The following MOV10L1 variants were observed in gnomAD, a reference collection of about 807,000 sequenced individuals.
MOV10L1 encodes RNA helicase Mov10l1.
MOV10L1 carries 110 observed loss-of-function variants against 143.8 expected under a neutral mutation model. That is an observed-to-expected ratio of 0.76 (90% CI 0.66 to 0.90). The LOEUF is 0.90. Among genes scored for constraint, MOV10L1 ranks in the 40% least tolerant of loss-of-function variants. The probability of loss-of-function intolerance (pLI) is 0.00; values close to 1 mark genes in which losing one functional copy is unlikely to be tolerated. For synonymous variants in MOV10L1, 593 were observed against 581.1 expected, an observed-to-expected ratio of 1.02 and a Z score of -0.29; for missense variants, 1,406 against 1,526.8, an observed-to-expected ratio of 0.92 and a Z score of 1.32.
At position 50,142,206 on chromosome 22, in the gene MOV10L1, G is replaced by T. The variant is rs1342835838; in HGVS notation, c.2179+17G>T. ...GCGATTGGGGTATGTGCTCATGAGG[G>T]GCAAGGAGAAGAGCAACTCTGAGAC... On this transcript the variant is annotated intron_variant, in intron 16 of 26. Coordinates refer to ENST00000262794, the MANE Select transcript of MOV10L1 (RefSeq NM_018995.3). 3 of 1,592,720 alleles carry T rather than the reference G, an allele frequency of 1.9e-6. No individual in the cohort carries two copies. Among genetic ancestry groups the T allele is most frequent in the South Asian group, 2.3e-5 (2 of 88,122 alleles).
intron 22 of MOV10L1, among the ~76,000 whole-genome samples, chr22:50,154,744 C>T (rs888528349): frequency 6.6e-6 from 1 of 152,170 alleles, no homozygotes; most frequent in Non-Finnish European, 1.5e-5. Flanking sequence ...TCTTGTCTTA[C>T]GAATTTTAAC....
intron 5 of MOV10L1, among the ~76,000 whole-genome samples, chr22:50,110,190 C>T (rs1025811838): frequency 6.6e-6 from 1 of 151,998 alleles, no homozygotes; most frequent in African/African-American, 2.4e-5. Context: ...TGGCTCACGC[C>T]CGTAATACCA....
At chr22:50,113,511 TA>T in intron 5 of MOV10L1, 136 bp from the exon 6 acceptor site, 2 of 1,190,950 alleles carry the variant, frequency 1.7e-6, no homozygotes, top group Non-Finnish European at 2.3e-6. Flanking sequence ...CTTAGAAACC[TA>T]AGTCTGTGGA....
At position 50,090,036 on chromosome 22, in the gene MOV10L1, C is replaced by G. The variant is rs530867335; in HGVS notation, c.-53C>G. ...TGGCGGGCGGCGGGAGCGGCGCGGG[C>G]GCGTGCGGGCGGCGGCAGCGGCGGT... On this transcript the variant is annotated 5_prime_UTR_variant, in exon 1 of 27. Coordinates refer to ENST00000262794, the MANE Select transcript of MOV10L1 (RefSeq NM_018995.3). 1.4e-5 allele frequency: 16 copies of G among 1,163,022 alleles called. No individual in the cohort carries two copies. Among genetic ancestry groups the G allele is most frequent in the South Asian group, 8.1e-5 (2 of 24,768 alleles). The allele number at this position is 1,163,022 out of a possible 1,614,324, so 72.0% of individuals were successfully genotyped here.
intron 15 of MOV10L1, among the ~76,000 whole-genome samples, chr22:50,135,491 G>A (rs1278581240): frequency 6.6e-6 from 1 of 151,710 alleles, no homozygotes; most frequent in Admixed American, 6.6e-5. Context: ...AGTGGCTCAC[G>A]CCTGTAATCC....
chr22:50,126,557 G>A (rs573953683), intron 12 of MOV10L1, among the ~76,000 whole-genome samples: 4 of 152,304 alleles, frequency 2.6e-5, no homozygotes, highest in East Asian at 1.9e-4. Flanking sequence ...AGAAGAGCTC[G>A]CAGAGTGGAG....
chr22:50,116,613 A>G (rs1400683241), intron 8 of MOV10L1, among the ~76,000 whole-genome samples: 1 of 145,258 alleles, frequency 6.9e-6, no homozygotes, highest in Non-Finnish European at 1.5e-5. Context: ...ATTTTTTCCT[A>G]CTCTTATATG....
intron 9 of MOV10L1, among the ~76,000 whole-genome samples, chr22:50,118,390 C>T (rs1263881854): frequency 1.3e-5 from 2 of 152,162 alleles, no homozygotes. Context: ...TGGCACAAAG[C>T]AATCACTCAG....
intron 13 of MOV10L1, 36 bp from the exon 14 acceptor site, chr22:50,133,971 A>C: frequency 6.3e-7 from 1 of 1,578,166 alleles, no homozygotes; most frequent in Non-Finnish European, 8.7e-7. Flanking sequence ...TTCTGAATGT[A>C]AGGTTAGTTA....
intron 18 of MOV10L1, among the ~76,000 whole-genome samples, chr22:50,144,612 C>T (rs924255833): frequency 6.0e-5 from 9 of 150,396 alleles, no homozygotes; most frequent in Non-Finnish European, 8.8e-5. Flanking sequence ...GACGGAGTCT[C>T]GCTGTGTCGC....
intron 10 of MOV10L1, among the ~76,000 whole-genome samples, chr22:50,124,961 C>T (rs938890589): frequency 2.6e-5 from 4 of 152,214 alleles, no homozygotes; most frequent in Admixed American, 2.6e-4. Flanking sequence ...TTTCTTATTT[C>T]TCTGTCTCTT....
chr22:50,114,892 G>A (rs908954335), intron 7 of MOV10L1, among the ~76,000 whole-genome samples: 5 of 152,210 alleles, frequency 3.3e-5, no homozygotes, highest in African/African-American at 4.8e-5. Context: ...GCGCGCCGGG[G>A]CAGGCCTTCT....
chr22:50,141,629 G>A (rs945326434), intron 15 of MOV10L1, among the ~76,000 whole-genome samples: 1 of 151,838 alleles, frequency 6.6e-6, no homozygotes, highest in African/African-American at 2.4e-5. Flanking sequence ...CGTGAGCCCC[G>A]TGCCCGGCCT....
chr22:50,116,145 G>A (rs977078987), intron 8 of MOV10L1, among the ~76,000 whole-genome samples: 1 of 151,418 alleles, frequency 6.6e-6, no homozygotes, highest in African/African-American at 2.4e-5. Flanking sequence ...ATCAAGCTGT[G>A]GGTGGCAAGT....
chr22:50,159,914 C>A lies in MOV10L1; in HGVS notation c.3324+129C>A. 1.6e-6 allele frequency: 1 copy of A among 638,266 alleles called. No individual in the cohort carries two copies. The highest frequency in any genetic ancestry group is 2.8e-6 in the Non-Finnish European group (1 of 363,454). 39.5% of individuals were successfully genotyped at this position (638,266 alleles called of 1,614,324 possible). On this transcript the variant is annotated intron_variant, in intron 24 of 26. Coordinates refer to ENST00000262794, the MANE Select transcript of MOV10L1 (RefSeq NM_018995.3). This position sits in a 1 kb window ranked among gnomAD's most constrained non-coding sequence, Gnocchi z 4.1. ...GAGAAGCAGCTGCAGGCGGAGACTC[C>A]CTAGGTCCAGGAGCCATTGTAAGCA...
chr22:50,132,809 C>T (rs557907476), intron 13 of MOV10L1, among the ~76,000 whole-genome samples: 10 of 152,006 alleles, frequency 6.6e-5, no homozygotes, highest in African/African-American at 2.2e-4. Context: ...CCAAGGCAGG[C>T]GGATCACCTG....
At chr22:50,119,639 A>C (rs1417331618) in intron 9 of MOV10L1, among the ~76,000 whole-genome samples, 1 of 150,920 alleles carries the variant, frequency 6.6e-6, no homozygotes, top group East Asian at 1.9e-4. Context: ...TGTTCGTGTT[A>C]GTAATCAATG....
Position 50,160,777 on chromosome 22 carries a change from A to G in MOV10L1, c.3414A>G (p.Arg1138=), listed in dbSNP as rs2063540257. 1 of 1,613,904 alleles carries G rather than the reference A, an allele frequency of 6.2e-7. No homozygotes were observed. The highest frequency in any genetic ancestry group is 1.3e-5 in the African/African-American group (1 of 74,884). ...AAAGATTTAATGTTGCAATCACCAG[A>G]CCCAAAGCTTTGCTGATAGTGCTGG... ...NSKRFNVAIT[R]PKALLIVLGN... Residue 1138 remains arginine, a synonymous_variant, in exon 25 of 27, where the codon AGA becomes AGG. Transcript: ENST00000262794.
chr22:50,130,735 C>CA (rs2062649680), intron 13 of MOV10L1, among the ~76,000 whole-genome samples: 2 of 152,180 alleles, frequency 1.3e-5, no homozygotes, highest in African/African-American at 4.8e-5. Flanking sequence ...AGAAGGCACA[C>CA]AGCCTCCATC....
Sources: allele counts gnomAD v4.1 joint callset (sites outside exome capture counted in the v4.1 genomes callset), GRCh38; gene constraint gnomAD v4.1.1; non-coding constraint Gnocchi (gnomAD v3.1); transcripts MANE v1.5; gene names NCBI Gene and HGNC (gene_info 2026-07-23, HGNC 2026-07-21).